HEPH: variants seen among roughly 807,000 people sequenced by gnomAD.
The protein encoded by HEPH is hephaestin.
In HEPH, 69 loss-of-function variants were observed where a neutral mutation model predicts 80.8. The observed-to-expected ratio is 0.85, with a 90% CI of 0.70 to 1.04. The LOEUF (loss-of-function observed/expected upper bound fraction) is 1.04. HEPH is among the 50% of genes least tolerant of loss of function. The pLI, the probability that HEPH is intolerant of heterozygous loss-of-function variation, is 0.00. For missense variants in HEPH, 1,115 were observed against 891.3 expected (o/e 1.25, Z -3.20); for synonymous variants, 431 against 322.8 (o/e 1.34, Z -3.60).
At chrX:66,208,645 T>C (rs1314397898) in intron 15 of HEPH, among the ~76,000 whole-genome samples, 1 of 63,119 alleles carries the variant, frequency 1.6e-5, no homozygotes, top group Non-Finnish European at 2.6e-5. Flanking sequence ...TATATATATA[T>C]ATATATATAT....
At chrX:66,195,049 C>T in intron 8 of HEPH, 49 bp from the exon 9 acceptor site, 14 of 1,043,131 alleles carry the variant, frequency 1.3e-5, no homozygotes, top group Non-Finnish European at 1.8e-5. Flanking sequence ...TCCTTCCTCC[C>T]TGTTTATCCC....
intron 4 of HEPH, among the ~76,000 whole-genome samples, chrX:66,176,961 A>C (rs2086836407): frequency 1.8e-5 from 2 of 111,508 alleles, no homozygotes; most frequent in Non-Finnish European, 3.8e-5. Context: ...GCCAAAATTG[A>C]CAAATGGGAT....
intron 15 of HEPH, among the ~76,000 whole-genome samples, chrX:66,239,653 AC>A (rs1455435928): frequency 8.9e-6 from 1 of 111,794 alleles, no homozygotes; most frequent in Non-Finnish European, 1.9e-5. Context: ...CAGGATCTAG[AC>A]CCTGACCTCA....
chrX:66,192,710 G>A (rs1245164103), intron 7 of HEPH, among the ~76,000 whole-genome samples: 1 of 111,796 alleles, frequency 8.9e-6, no homozygotes, highest in Non-Finnish European at 1.9e-5. Flanking sequence ...AGGCATTTGA[G>A]CAGGGGTATA....
chrX:66,175,709 T>C (rs1435827260), intron 4 of HEPH, among the ~76,000 whole-genome samples: 2 of 110,386 alleles, frequency 1.8e-5, no homozygotes, highest in Non-Finnish European at 3.8e-5. Flanking sequence ...GTTCTCCTTG[T>C]AGAGGTCTTT....
At chrX:66,266,418 A>T (rs747523363) in intron 20 of HEPH, 22 bp from the exon 21 acceptor site, 31 of 1,030,725 alleles carry the variant, frequency 3.0e-5, no homozygotes, top group Middle Eastern at 2.6e-4. Flanking sequence ...CAGGATGCCC[A>T]TTTTTTTTTT....
At chrX:66,241,183 A>G (rs1283492214) in intron 15 of HEPH, among the ~76,000 whole-genome samples, 1 of 112,455 alleles carries the variant, frequency 8.9e-6, no homozygotes, top group Non-Finnish European at 1.9e-5. Flanking sequence ...CATGGACACT[A>G]TTAAGCAACT....
At chrX:66,231,612 T>C (rs1178138657) in intron 15 of HEPH, among the ~76,000 whole-genome samples, 1 of 109,964 alleles carries the variant, frequency 9.1e-6, no homozygotes, top group Non-Finnish European at 1.9e-5. Flanking sequence ...GTTTGTGATT[T>C]TTGTACATTG....
chrX:66,213,300 T>C (rs1312847025), intron 15 of HEPH, among the ~76,000 whole-genome samples: 1 of 110,439 alleles, frequency 9.1e-6, no homozygotes, highest in Non-Finnish European at 1.9e-5. Context: ...TTTTTTGTTC[T>C]TGTGATAGTT....
chrX:66,246,212 G>A (rs938148907), intron 15 of HEPH, among the ~76,000 whole-genome samples: 1 of 112,119 alleles, frequency 8.9e-6, no homozygotes, highest in Non-Finnish European at 1.9e-5. Context: ...GAATAGGACT[G>A]AGTTCAGACA....
At chrX:66,250,361 C>T (rs1367386983) in intron 15 of HEPH, among the ~76,000 whole-genome samples, 1 of 111,608 alleles carries the variant, frequency 9.0e-6, no homozygotes, top group African/African-American at 3.3e-5. Context: ...ACACTTTATC[C>T]GGTGATTAAT....
intron 18 of HEPH, among the ~76,000 whole-genome samples, chrX:66,259,359 G>A (rs1433982136): frequency 1.8e-5 from 2 of 111,755 alleles, no homozygotes; most frequent in Non-Finnish European, 3.8e-5. Context: ...CTTCAACTTA[G>A]GGGGTACATG....
At chrX:66,202,582 G>A (rs1163388679) in intron 12 of HEPH, among the ~76,000 whole-genome samples, 2 of 110,685 alleles carry the variant, frequency 1.8e-5, no homozygotes, top group African/African-American at 6.6e-5. Flanking sequence ...ATGAGTGAAG[G>A]ACCTTCTAAA....
At chrX:66,230,931 T>A (rs2090105945) in intron 15 of HEPH, among the ~76,000 whole-genome samples, 1 of 104,062 alleles carries the variant, frequency 9.6e-6, no homozygotes, top group Admixed American at 1.1e-4. Context: ...AAATCTTTAA[T>A]CCATCTTGAA....
chrX:66,207,108 G>T (rs2088826190), intron 13 of HEPH, 87 bp from the exon 14 acceptor site: 2 of 855,868 alleles, frequency 2.3e-6, no homozygotes, highest in Admixed American at 3.1e-5. Context: ...ACATGAAGCT[G>T]GTTCTGACTT....
At chrX:66,268,390 A>G (rs916861634), downstream of HEPH, 1 of 112,081 alleles carries the variant, frequency 8.9e-6, no homozygotes. Context: ...TTCCATGGTC[A>G]ATGGGTTTCT....
intron 19 of HEPH, 80 bp from the exon 20 acceptor site, chrX:66,263,564 T>C: frequency 2.8e-6 from 3 of 1,065,727 alleles, no homozygotes; most frequent in South Asian, 1.9e-5. Context: ...CTGCAACCAA[T>C]GTTGACCTTT....
chrX:66,261,032 C>G (rs762099180), intron 19 of HEPH, among the ~76,000 whole-genome samples: 56 of 112,110 alleles, frequency 5.0e-4, no homozygotes, highest in Non-Finnish European at 7.1e-4. Context: ...CCGCCTTGGT[C>G]TCCCAAAGTG....
At chrX:66,239,643 C>G (rs2090493964) in intron 15 of HEPH, among the ~76,000 whole-genome samples, 1 of 111,741 alleles carries the variant, frequency 8.9e-6, no homozygotes, top group Non-Finnish European at 1.9e-5. Context: ...TGAAACCAAG[C>G]AGGATCTAGA....
Sources: gnomAD v4.1 joint callset for allele counts (sites outside exome capture counted in the v4.1 genomes callset) on GRCh38, gnomAD v4.1.1 for gene constraint, MANE v1.5 for transcripts, NCBI Gene and HGNC (gene_info 2026-07-23, HGNC 2026-07-21) for gene names.